Variants in DDX10 observed in about 807,000 individuals in gnomAD.
DDX10 encodes DEAD-box helicase 10, also known as probable ATP-dependent RNA helicase DDX10.
Under a neutral mutation model 104.3 loss-of-function variants are expected in DDX10, and 74 were observed. That is an observed-to-expected ratio of 0.71 (90% CI 0.59 to 0.86). The LOEUF is 0.86. DDX10 is among the 40% of genes least tolerant of loss of function. The pLI is 0.00. For synonymous variants in DDX10, 351 were observed against 353.4 expected, an observed-to-expected ratio of 0.99 and a Z score of 0.08; for missense variants, 952 against 1,040.0, an observed-to-expected ratio of 0.92 and a Z score of 1.16.
At chr11:108,794,700 C>G (rs903894563) in intron 13 of DDX10, among the ~76,000 whole-genome samples, 1 of 152,060 alleles carries the variant, frequency 6.6e-6, no homozygotes, top group African/African-American at 2.4e-5. Context: ...ACCAACTTTT[C>G]TTTCCTGGCA....
chr11:108,667,893 T>C (rs2094212044), intron 1 of DDX10, among the ~76,000 whole-genome samples: 2 of 152,212 alleles, frequency 1.3e-5, no homozygotes, highest in South Asian at 2.1e-4. Context: ...TCTGCGATGA[T>C]TGGCTTCTTT....
At chr11:108,842,955 A>G (rs1368820179) in intron 15 of DDX10, among the ~76,000 whole-genome samples, 1 of 152,208 alleles carries the variant, frequency 6.6e-6, no homozygotes, top group Non-Finnish European at 1.5e-5. Flanking sequence ...CCCATGTGGA[A>G]GTTGTTACTA....
Position 108,678,437 on chromosome 11 carries a change from T to C in DDX10, c.658+2T>C. 1 of 1,577,222 alleles carries C rather than the reference T, an allele frequency of 6.3e-7. No individual in the cohort carries two copies. The highest frequency in any genetic ancestry group is 8.6e-7 in the Non-Finnish European group (1 of 1,166,178). ...ATGCTACCGACCTCCAAATGTTAGG[T>C]GAGTCAAATCAATTTCTAATTTAAA... On this transcript the variant is annotated splice_donor_variant, in intron 5 of 17. Coordinates refer to ENST00000322536, the MANE Select transcript of DDX10 (RefSeq NM_004398.4). LOFTEE classifies it high-confidence loss of function.
intron 17 of DDX10, among the ~76,000 whole-genome samples, chr11:108,928,276 A>C (rs959291138): frequency 3.9e-5 from 6 of 152,232 alleles, no homozygotes; most frequent in Non-Finnish European, 7.3e-5. Context: ...TCAGTGAATC[A>C]GTCTCTCTCC....
intron 15 of DDX10, among the ~76,000 whole-genome samples, chr11:108,850,758 G>A (rs1017407178): frequency 1.3e-5 from 2 of 152,162 alleles, no homozygotes; most frequent in Non-Finnish European, 2.9e-5. Context: ...TCCAGTGGAG[G>A]AGTATGAAGT....
intron 13 of DDX10, among the ~76,000 whole-genome samples, chr11:108,796,379 G>A (rs1417988995): frequency 6.6e-6 from 1 of 152,164 alleles, no homozygotes; most frequent in African/African-American, 2.4e-5. Flanking sequence ...GCAAACATAT[G>A]CTTTTGGGGA....
intron 13 of DDX10, among the ~76,000 whole-genome samples, chr11:108,728,087 C>T (rs2134481277): frequency 6.6e-6 from 1 of 151,792 alleles, no homozygotes; most frequent in South Asian, 2.1e-4. Flanking sequence ...GTATACAAGC[C>T]CATTTGAAAA....
intron 16 of DDX10, among the ~76,000 whole-genome samples, chr11:108,878,000 T>TCCCTCCCTCCTTCCTTTTC (rs1863175247): frequency 6.6e-6 from 1 of 152,174 alleles, no homozygotes; most frequent in African/African-American, 2.4e-5. Flanking sequence ...GATTTCTTTT[T>TCCCTCCCTCCTTCCTTTTC]CCCTCCCTCC....
At chr11:108,933,668 G>C (rs1437169831) in intron 17 of DDX10, among the ~76,000 whole-genome samples, 1 of 152,092 alleles carries the variant, frequency 6.6e-6, no homozygotes, top group East Asian at 1.9e-4. Flanking sequence ...AATTTTCACT[G>C]TGGCTTTGAT....
intron 13 of DDX10, among the ~76,000 whole-genome samples, chr11:108,766,896 C>G (rs898973): frequency 0.95 from 144,225 of 152,210 alleles, 68,807 homozygotes; most frequent in East Asian, 1. Context: ...ACTTTAGGTG[C>G]CTTGTTGGTT....
chr11:108,866,836 A>G lies in DDX10; in HGVS notation c.2304+14627A>G, dbSNP rs546937401. On this transcript the variant is annotated intron_variant, in intron 16 of 17. Coordinates refer to ENST00000322536, the MANE Select transcript of DDX10 (RefSeq NM_004398.4). ...TAGTAAGTGACTCCAAAATCTTAAC[A>G]TTTAGCTTCTGTTCTGTAAGGCAGG... Among the ~76,000 whole-genome samples, 4 of 152,334 alleles carry G rather than the reference A, an allele frequency of 2.6e-5. No individual in the cohort carries two copies. In the South Asian group the frequency reaches 6.2e-4, roughly 24 times the overall value.
At chr11:108,855,127 A>G (rs902713709) in intron 16 of DDX10, among the ~76,000 whole-genome samples, 2 of 152,302 alleles carry the variant, frequency 1.3e-5, no homozygotes, top group South Asian at 2.1e-4. Flanking sequence ...GCACAATAGA[A>G]TTGTTTTTAC....
chr11:108,861,661 G>A (rs1862943079), intron 16 of DDX10, among the ~76,000 whole-genome samples: 2 of 152,138 alleles, frequency 1.3e-5, no homozygotes, highest in African/African-American at 4.8e-5. Flanking sequence ...GAAGGAGTGT[G>A]AAGGGGGCTC....
chr11:108,937,682 G>T (rs1244822539), intron 17 of DDX10, among the ~76,000 whole-genome samples: 1 of 152,026 alleles, frequency 6.6e-6, no homozygotes, highest in Non-Finnish European at 1.5e-5. Context: ...TTTCTCTGTT[G>T]TATGATATGT....
chr11:108,872,820 T>TCCCCCCCCCC (rs33959241), intron 16 of DDX10, among the ~76,000 whole-genome samples: 4 of 145,110 alleles, frequency 2.8e-5, no homozygotes, highest in Non-Finnish European at 4.5e-5. Flanking sequence ...TAATTTCCGT[T>TCCCCCCCCCC]CCCCCCCCCT....
intron 13 of DDX10, among the ~76,000 whole-genome samples, chr11:108,794,802 G>C (rs1168258032): frequency 2.0e-5 from 3 of 151,214 alleles, no homozygotes; most frequent in Admixed American, 6.6e-5. Context: ...TGCGAAACCT[G>C]TTCCCCTATA....
intron 16 of DDX10, among the ~76,000 whole-genome samples, chr11:108,863,363 A>G (rs887112888): frequency 6.6e-6 from 1 of 152,216 alleles, no homozygotes; most frequent in African/African-American, 2.4e-5. Context: ...CAAGAATTCT[A>G]TCATTTATCT....
At chr11:108,830,764 G>A (rs2615734) in intron 13 of DDX10, among the ~76,000 whole-genome samples, 133,001 of 152,208 alleles carry the variant, frequency 0.87, 58,459 homozygotes, top group East Asian at 0.97. Context: ...TCATAAAGGG[G>A]TGATGGATTT....
At chr11:108,803,793 A>G (rs1227879345) in intron 13 of DDX10, among the ~76,000 whole-genome samples, 1 of 152,186 alleles carries the variant, frequency 6.6e-6, no homozygotes, top group African/African-American at 2.4e-5. Flanking sequence ...TGTGTTGGTT[A>G]TAAAGTGATC....
Sources: gnomAD v4.1 joint callset for allele counts (sites outside exome capture counted in the v4.1 genomes callset) on GRCh38, gnomAD v4.1.1 for gene constraint, MANE v1.5 for transcripts, NCBI Gene and HGNC (gene_info 2026-07-23, HGNC 2026-07-21) for gene names.